Variants in EIF2AK3 observed in about 807,000 individuals in gnomAD.
EIF2AK3 encodes the protein eukaryotic translation initiation factor 2 alpha kinase 3, also known as eukaryotic translation initiation factor 2-alpha kinase 3.
In EIF2AK3, 50 loss-of-function variants were observed where a neutral mutation model predicts 113.5. That is an observed-to-expected ratio of 0.44 (90% CI 0.35 to 0.56). The LOEUF is 0.56. Among genes scored for constraint, EIF2AK3 ranks in the 20% least tolerant of loss-of-function variants. The pLI is 0.00. For missense variants in EIF2AK3, 1,185 were observed against 1,378.0 expected (o/e 0.86, Z 2.22); for synonymous variants, 448 against 495.4 (o/e 0.90, Z 1.27).
intron 1 of EIF2AK3, among the ~76,000 whole-genome samples, chr2:88,616,225 AGAC>A (rs766584515): frequency 6.6e-6 from 1 of 152,150 alleles, no homozygotes; most frequent in Non-Finnish European, 1.5e-5. Flanking sequence ...CCTGAACTGC[AGAC>A]ATACATACCT....
rs769782259 is a variant in EIF2AK3, at chr2:88,562,430, A to C, written c.2986-40T>G. On this transcript the variant is annotated intron_variant, in intron 14 of 16. Transcript: ENST00000303236. ...AAAGAAAATTTAAAAATTAACACAG[A>C]GACAGTACAGTTGATATTACAGCAT... 18 of 1,507,940 alleles carry C rather than the reference A, an allele frequency of 1.2e-5. No individual in the cohort carries two copies. The South Asian group carries it at 1.9e-4, about 16-fold the overall frequency. The allele number at this position is 1,507,940 out of a possible 1,614,324, so 93.4% of individuals were successfully genotyped here. A position where few individuals can be genotyped will look rare whatever the true frequency, so the allele number is the denominator to read the frequency against.
chr2:88,594,240 C>T (rs891201260), intron 3 of EIF2AK3, among the ~76,000 whole-genome samples: 1 of 152,204 alleles, frequency 6.6e-6, no homozygotes, highest in African/African-American at 2.4e-5. Flanking sequence ...AAACCGTTTA[C>T]ACGTCACAAT....
chr2:88,558,429 C>T (rs1439777683), intron 16 of EIF2AK3, among the ~76,000 whole-genome samples: 2 of 152,078 alleles, frequency 1.3e-5, no homozygotes, highest in African/African-American at 4.8e-5. Flanking sequence ...TTAAAAATCT[C>T]TTTGAACGTA....
In EIF2AK3 at chr2:88,574,840, C is replaced by G; in HGVS notation, c.2643G>C (p.Lys881Asn). Residue 881 changes from lysine to asparagine, a missense_variant, in exon 13 of 17, where the codon AAG (lysine) becomes AAC (asparagine). By Grantham distance (94) the Lys-to-Asn change is moderately conservative. Coordinates refer to ENST00000303236, the MANE Select transcript of EIF2AK3 (RefSeq NM_004836.7). The part of the protein sequence containing the change: ...TTEKLQPSSP[K>N]VYLYIQMQLC... ...GCTGCATTTGAATGTAAAGATACAC[C>G]TTTGGTGAACTGGGCTGGAGTTTTT... The G allele has an allele frequency of 6.2e-7, 1 of 1,614,142 alleles. No individual in the cohort carries two copies. Among genetic ancestry groups the G allele is most frequent in the South Asian group, 1.1e-5 (1 of 91,084 alleles).
chr2:88,570,340 T>C (rs2104402226), intron 14 of EIF2AK3, among the ~76,000 whole-genome samples: 1 of 152,294 alleles, frequency 6.6e-6, no homozygotes, highest in East Asian at 1.9e-4. Context: ...CGCCTGATGC[T>C]TCCAGGATGC....
chr2:88,562,687 G>A (rs1238402997), intron 14 of EIF2AK3, among the ~76,000 whole-genome samples: 4 of 152,134 alleles, frequency 2.6e-5, no homozygotes, highest in East Asian at 3.9e-4. Flanking sequence ...GTTTGTGGGA[G>A]CCAGCAAAAT....
intron 1 of EIF2AK3, among the ~76,000 whole-genome samples, chr2:88,626,718 C>T (rs1675868321): frequency 1.3e-5 from 2 of 152,260 alleles, no homozygotes. Context: ...ATTCCATTCT[C>T]CCGCACCTGC....
chr2:88,558,120 T>C (rs370635736), intron 16 of EIF2AK3, among the ~76,000 whole-genome samples, 184 bp from the exon 17 acceptor site: 2 of 152,132 alleles, frequency 1.3e-5, no homozygotes, highest in African/African-American at 2.4e-5. Flanking sequence ...CAGAGACAAT[T>C]TGTAAATTAA....
At chr2:88,577,506 C>T (rs190724485) in intron 11 of EIF2AK3, among the ~76,000 whole-genome samples, 192 of 150,504 alleles carry the variant, frequency 1.3e-3, no homozygotes, top group African/African-American at 4.5e-3. Flanking sequence ...CTGTCACCCA[C>T]GCTGGAGTAC....
chr2:88,575,465 CA>C lies in EIF2AK3; in HGVS notation c.2037-20del. On this transcript the variant is annotated intron_variant, in intron 12 of 16. Transcript: ENST00000303236. ...GTCTGTGCTAAAAGTGGGAGAAATA[CA>C]AAGGGGTAAGAGTGAATATATATTG... is the stretch of plus-strand genomic sequence containing the variant. 6.2e-7 allele frequency: 1 copy of C among 1,602,082 alleles called. No homozygotes were observed. Among genetic ancestry groups the C allele is most frequent in the South Asian group, 1.1e-5 (1 of 91,076 alleles).
At chr2:88,597,504 C>T (rs971899541) in intron 2 of EIF2AK3, among the ~76,000 whole-genome samples, 2 of 152,142 alleles carry the variant, frequency 1.3e-5, no homozygotes, top group Non-Finnish European at 2.9e-5. Flanking sequence ...TAAAACTGAC[C>T]TTAAATAAAC....
chr2:88,564,290 C>T (rs1478443361), intron 14 of EIF2AK3, among the ~76,000 whole-genome samples: 7 of 152,110 alleles, frequency 4.6e-5, no homozygotes, highest in Admixed American at 4.6e-4. Context: ...GCTTCTAAGG[C>T]TTGGGTAAGA....
At chr2:88,585,065 T>C (rs77173661) in intron 9 of EIF2AK3, among the ~76,000 whole-genome samples, 6,175 of 152,186 alleles carry the variant, frequency 0.041, 149 homozygotes, top group Non-Finnish European at 0.051. Flanking sequence ...GGACTGGAGA[T>C]AGCCTGAGGA....
intron 9 of EIF2AK3, among the ~76,000 whole-genome samples, chr2:88,584,381 G>A (rs1674667513): frequency 6.6e-6 from 1 of 152,040 alleles, no homozygotes; most frequent in Non-Finnish European, 1.5e-5. Context: ...GCTGGGTGTG[G>A]TGGTATATGC....
chr2:88,568,585 T>G (rs1329011180), intron 14 of EIF2AK3, among the ~76,000 whole-genome samples: 4 of 152,228 alleles, frequency 2.6e-5, no homozygotes, highest in African/African-American at 9.6e-5. Context: ...CAAAGTACAA[T>G]AGTTGTCTCC....
chr2:88,590,604 A>T lies in EIF2AK3; in HGVS notation c.1004T>A (p.Phe335Tyr). 1.2e-6 allele frequency: 2 copies of T among 1,612,616 alleles called. No individual in the cohort carries two copies. Among genetic ancestry groups the T allele is most frequent in the Non-Finnish European group, 1.7e-6 (2 of 1,179,846 alleles). ...KGGHLEWEYQ[F>Y]CTPIASAWLL... is the part of the protein sequence containing the mutation. Reference sequence around the variant, plus strand: ...CCAGGCAGATGCAATTGGAGTACAAAACTAAACAAAAATGGAAAAAAGGTC... The same window carrying T: ...CCAGGCAGATGCAATTGGAGTACAATACTAAACAAAAATGGAAAAAAGGTC... Residue 335 changes from phenylalanine to tyrosine, a missense_variant and splice_region_variant, in exon 6 of 17, where the codon TTT becomes TAT. By Grantham distance (22) the Phe-to-Tyr change is conservative. Around this residue, in one of 3 missense-constraint regions of EIF2AK3, gnomAD observed 877 missense variants for 1,024.2 expected, o/e 0.86. Coordinates refer to ENST00000303236, the MANE Select transcript of EIF2AK3 (RefSeq NM_004836.7).
At chr2:88,615,002 G>C (rs1287070717) in intron 1 of EIF2AK3, among the ~76,000 whole-genome samples, 2 of 152,188 alleles carry the variant, frequency 1.3e-5, no homozygotes, top group African/African-American at 4.8e-5. Context: ...ACTGAACCAT[G>C]TTAACCATTC....
chr2:88,598,617 G>A (rs566286025), intron 2 of EIF2AK3, among the ~76,000 whole-genome samples: 2 of 151,740 alleles, frequency 1.3e-5, no homozygotes, highest in East Asian at 3.9e-4. Context: ...TAAAGAAAGG[G>A]CTGTGAAAAA....
chr2:88,603,389 C>T (rs1452875335), intron 2 of EIF2AK3, among the ~76,000 whole-genome samples: 17 of 152,226 alleles, frequency 1.1e-4, no homozygotes, highest in African/African-American at 3.9e-4. Context: ...CTTTTTCCCA[C>T]TGCTTTCCAA....
Sources: gnomAD v4.1 joint callset for allele counts (sites outside exome capture counted in the v4.1 genomes callset) on GRCh38, gnomAD v4.1.1 for gene constraint, gnomAD v4.1.1 regional missense constraint, MANE v1.5 for transcripts, NCBI Gene and HGNC (gene_info 2026-07-23, HGNC 2026-07-21) for gene names.